POU2F2: variants seen among roughly 807,000 people sequenced by gnomAD.
POU2F2 encodes POU domain, class 2, transcription factor 2.
Under a neutral mutation model 63.5 loss-of-function variants are expected in POU2F2, and 14 were observed. The ratio of observed to expected loss-of-function variants is 0.22; its 90% CI spans 0.15 to 0.34. POU2F2 has a LOEUF of 0.34. POU2F2 is among the 10% of genes least tolerant of loss of function. POU2F2 has a pLI of 1.00. For missense variants in POU2F2, 607 were observed against 815.2 expected (o/e 0.74, Z 3.11); for synonymous variants, 306 against 348.6 (o/e 0.88, Z 1.36).
At position 42,155,236 on chromosome 19, in the gene POU2F2, G is replaced by A. The variant is rs115908551; in HGVS notation, c.-9+5096C>T. On this transcript the variant is annotated intron_variant, in intron 2 of 6. Coordinates refer to the POU2F2 transcript ENST00000524801. This position sits in a 1 kb window ranked among gnomAD's most constrained non-coding sequence, Gnocchi z 4.2. ...TCTCATGCGCTCAGCTCGCATGCAC[G>A]CGCCCTCTCTTTCTCTCTGTTCCTT... is the stretch of plus-strand genomic sequence containing the variant. 9.4e-3 allele frequency among the ~76,000 whole-genome samples: 1,425 copies of A among 152,292 alleles called. 21 individuals carry two copies. Among genetic ancestry groups the A allele is most frequent in the African/African-American group, 0.033 (1,356 of 41,544 alleles).
At chr19:42,196,250 C>T (rs1052505403) in intron 1 of POU2F2, 2 of 152,192 alleles carry the variant, frequency 1.3e-5, no homozygotes, top group Non-Finnish European at 2.9e-5. Context: ...GGGCCTGTCT[C>T]ACATGATCTC....
intron 2 of POU2F2, among the ~76,000 whole-genome samples, chr19:42,149,201 G>A (rs1342490335): frequency 3.3e-5 from 5 of 152,164 alleles, no homozygotes; most frequent in Admixed American, 6.5e-5. Context: ...CATGACTTGA[G>A]CAAAGCCACA....
At chr19:42,175,514 A>G (rs780575605) in intron 1 of POU2F2, among the ~76,000 whole-genome samples, 4 of 151,846 alleles carry the variant, frequency 2.6e-5, no homozygotes, top group Admixed American at 1.3e-4. Context: ...AAAGAAGGGA[A>G]GGAGGTGGAG....
chr19:42,185,583 A>G (rs2035004105), intron 1 of POU2F2, among the ~76,000 whole-genome samples: 1 of 152,128 alleles, frequency 6.6e-6, no homozygotes, highest in African/African-American at 2.4e-5. Context: ...TGGCCTTTGT[A>G]CTTGCAGTTC....
Position 42,092,311 on chromosome 19 carries a change from C to T in POU2F2, c.1265-41G>A, listed in dbSNP as rs1382286975. The T allele has an allele frequency of 1.4e-6, 2 of 1,456,244 alleles. No individual in the cohort carries two copies. The highest frequency in any genetic ancestry group is 1.2e-5 in the South Asian group (1 of 82,190). The allele number at this position is 1,456,244 out of a possible 1,614,324, so 90.2% of individuals were successfully genotyped here. A position where few individuals can be genotyped will look rare whatever the true frequency, so the allele number is the denominator to read the frequency against. On this transcript the variant is annotated intron_variant, in intron 12 of 14. Coordinates refer to ENST00000692977, the MANE Select transcript of POU2F2 (RefSeq NM_001394376.1). This position sits in a 1 kb window ranked among gnomAD's most constrained non-coding sequence, Gnocchi z 5.0. ...AGAAAGATGGGGTCTTCAGCTTCCA[C>T]TCGTCCCCCACTGAGGAACCTGGGG...
chr19:42,095,004 G>A lies in POU2F2; in HGVS notation c.1197+282C>T, dbSNP rs978906444. Among the ~76,000 whole-genome samples the A allele has an allele frequency of 6.6e-6, 1 of 152,180 alleles. No homozygotes were observed. The highest frequency in any genetic ancestry group is 1.9e-4 in the East Asian group (1 of 5,200). On this transcript the variant is annotated intron_variant, in intron 11 of 14. Coordinates refer to ENST00000692977, the MANE Select transcript of POU2F2 (RefSeq NM_001394376.1). This position sits in a 1 kb window ranked among gnomAD's most constrained non-coding sequence, Gnocchi z 7.1. The stretch of plus-strand genomic sequence containing the variant: ...GCCTGTGTGTTCTAACCTGGACCAC[G>A]TCCCTGGACATATATCCCTTCCTGT...
intron 1 of POU2F2, among the ~76,000 whole-genome samples, chr19:42,172,399 A>C (rs569481623): frequency 1.3e-5 from 2 of 152,244 alleles, no homozygotes; most frequent in East Asian, 3.9e-4. Context: ...ACCTCAGGGA[A>C]CTCACTGGAC....
Position 42,188,628 on chromosome 19 carries a change from G to A in POU2F2, c.-70+7755C>T, listed in dbSNP as rs535262128. 1.5e-4 allele frequency among the ~76,000 whole-genome samples: 22 copies of A among 144,838 alleles called. No individual in the cohort carries two copies. The East Asian group carries it at 3.6e-3, about 23-fold the overall frequency. On this transcript the variant is annotated intron_variant, in intron 1 of 5. Coordinates refer to the POU2F2 transcript ENST00000532176. ...GGAGGTTGCAGTGAGCCGAGATTGC[G>A]CCATTGCACTCCAGCCTGGGGGACG...
intron 1 of POU2F2, among the ~76,000 whole-genome samples, chr19:42,173,633 T>C (rs968393284): frequency 1.3e-5 from 2 of 150,530 alleles, no homozygotes; most frequent in Non-Finnish European, 2.9e-5. Flanking sequence ...ACACACAGCA[T>C]GGGTATAGGT....
intron 1 of POU2F2, among the ~76,000 whole-genome samples, chr19:42,188,683 A>G (rs562270125): frequency 3.5e-4 from 52 of 148,984 alleles, no homozygotes; most frequent in Admixed American, 6.7e-4. Flanking sequence ...AAAAAAAAAA[A>G]AAAGAAAGAA....
intron 4 of POU2F2, 124 bp downstream of exon 4, chr19:42,122,002 G>T: frequency 9.7e-7 from 1 of 1,026,966 alleles, no homozygotes; most frequent in Non-Finnish European, 1.5e-6. Flanking sequence ...AGAAGGGGCG[G>T]GAGGAACCTC....
chr19:42,171,241 A>C (rs2034759057), intron 1 of POU2F2, among the ~76,000 whole-genome samples: 1 of 152,092 alleles, frequency 6.6e-6, no homozygotes, highest in Non-Finnish European at 1.5e-5. Flanking sequence ...GTCCGCTTGT[A>C]GGTATATGTG....
rs2034365288 is a variant in POU2F2 at position 42,152,197 on chromosome 19, G to T, written c.-9+8135C>A. On this transcript the variant is annotated intron_variant, in intron 2 of 6. Coordinates refer to the POU2F2 transcript ENST00000524801. This position sits in a 1 kb window ranked among gnomAD's most constrained non-coding sequence, Gnocchi z 4.1. ...GAGCCCCCATGCCCACAGGGATATG[G>T]AGCCTCCAAAGAGACAGAAGGAAAC... 6.6e-6 allele frequency among the ~76,000 whole-genome samples: 1 copy of T among 152,144 alleles called. No individual in the cohort carries two copies. Among genetic ancestry groups the T allele is most frequent in the Admixed American group, 6.5e-5 (1 of 15,282 alleles).
At position 42,090,997 on chromosome 19, in the gene POU2F2, G is replaced by GTT; in HGVS notation, c.*258_*259dup. On this transcript the variant is annotated 3_prime_UTR_variant, in exon 15 of 15. Coordinates refer to ENST00000692977, the MANE Select transcript of POU2F2 (RefSeq NM_001394376.1). This position sits in a 1 kb window ranked among gnomAD's most constrained non-coding sequence, Gnocchi z 4.4. ...TTTTTTTTTTTTTGGTTTGTTTTTGGTTTTTTTTTGTTTGTTTTTCACCTC... is the reference window on the plus strand; with the variant it reads ...TTTTTTTTTTTTTGGTTTGTTTTTGGTTTTTTTTTTTGTTTGTTTTTCACCTC... 1 of 312,484 alleles carries GTT rather than the reference G, an allele frequency of 3.2e-6. No individual in the cohort carries two copies. The highest frequency in any genetic ancestry group is 5.8e-6 in the Non-Finnish European group (1 of 173,858). 19.4% of individuals were successfully genotyped at this position (312,484 alleles called of 1,614,324 possible).
chr19:42,169,087 GTTAA>G lies in POU2F2; in HGVS notation c.-70+6872_-70+6875del, dbSNP rs2034706453. On this transcript the variant is annotated intron_variant, in intron 1 of 6. Transcript: ENST00000524801. This position sits in a 1 kb window ranked among gnomAD's most constrained non-coding sequence, Gnocchi z 4.3. ...TAGAGGCTCAGTACCTATGTGATGA[GTTAA>G]TTAATTCTATACACATTTTCACACT... is the stretch of plus-strand genomic sequence containing the variant. 2.6e-5 allele frequency among the ~76,000 whole-genome samples: 4 copies of G among 152,048 alleles called. No individual in the cohort carries two copies. The highest frequency in any genetic ancestry group is 7.3e-5 in the African/African-American group (3 of 41,370).
At chr19:42,141,131 C>A (rs2034118144) in intron 2 of POU2F2, among the ~76,000 whole-genome samples, 1 of 152,220 alleles carries the variant, frequency 6.6e-6, no homozygotes, top group Admixed American at 6.5e-5. Context: ...TTGTACTGCA[C>A]TGAATCACTT....
Position 42,095,639 on chromosome 19 carries a change from C to A in POU2F2, c.926G>T (p.Ser309Ile). The A allele has an allele frequency of 6.2e-7, 1 of 1,613,204 alleles. No individual in the cohort carries two copies. The highest frequency in any genetic ancestry group is 1.1e-5 in the South Asian group (1 of 91,084). Residue 309 changes from serine to isoleucine, a missense_variant, in exon 10 of 15, where the codon AGC (serine) becomes ATC (isoleucine). Around this residue, in one of 7 missense-constraint regions of POU2F2, gnomAD observed 39 missense variants for 36.3 expected, o/e 1.07. Coordinates refer to ENST00000692977, the MANE Select transcript of POU2F2 (RefSeq NM_001394376.1). The surrounding 1 kb of genome is among the most constrained non-coding windows in gnomAD (Gnocchi z 7.1). Reference sequence around the variant, plus strand: ...GCCGGGCAGGCCGTCGAAACCCAGGCTGGGGCTGCTCAGCTGGTTGGGGCT... The same window carrying A: ...GCCGGGCAGGCCGTCGAAACCCAGGATGGGGCTGCTCAGCTGGTTGGGGCT... The part of the protein sequence containing the change: ...LPSPNQLSSP[S>I]LGFDGLPGRR...
chr19:42,123,515 T>G (rs1038633858), intron 1 of POU2F2, among the ~76,000 whole-genome samples: 1 of 152,154 alleles, frequency 6.6e-6, no homozygotes, highest in Non-Finnish European at 1.5e-5. Flanking sequence ...CATTAGCGGT[T>G]AGTGCTAATA....
intron 1 of POU2F2, among the ~76,000 whole-genome samples, chr19:42,129,007 A>G (rs376551184): frequency 6.6e-6 from 1 of 151,852 alleles, no homozygotes; most frequent in East Asian, 1.9e-4. Context: ...TAATTTTTGT[A>G]TTTTTATTAG....
Sources: allele counts gnomAD v4.1 joint callset (sites outside exome capture counted in the v4.1 genomes callset), GRCh38; gene constraint gnomAD v4.1.1; regional missense constraint gnomAD v4.1.1; non-coding constraint Gnocchi (gnomAD v3.1); transcripts MANE v1.5; gene names NCBI Gene and HGNC (gene_info 2026-07-23, HGNC 2026-07-21).